The following KANSL1 variants were observed in gnomAD, a reference collection of about 807,000 sequenced individuals.
KANSL1 encodes MLL1/MLL complex subunit KANSL1.
KANSL1 carries 22 observed loss-of-function variants against 103.6 expected under a neutral mutation model. The observed-to-expected ratio is 0.21, with a 90% CI of 0.15 to 0.30. The LOEUF (loss-of-function observed/expected upper bound fraction) is 0.30. KANSL1 is among the 10% of genes least tolerant of loss of function. The pLI, the probability that KANSL1 is intolerant of heterozygous loss-of-function variation, is 1.00. For missense variants in KANSL1, 1,337 were observed against 1,399.8 expected, an observed-to-expected ratio of 0.96 and a Z score of 0.72; for synonymous variants, 600 against 527.6, an observed-to-expected ratio of 1.14 and a Z score of -1.88.
chr17:46,056,149 C>T (rs1379793569), intron 6 of KANSL1, among the ~76,000 whole-genome samples: 1 of 152,144 alleles, frequency 6.6e-6, no homozygotes, highest in Non-Finnish European at 1.5e-5. Context: ...AGGCACCCAC[C>T]ACCAAGCCTG....
intron 7 of KANSL1, chr17:46,045,455 CCA>C (rs1365259525): frequency 8.2e-6 from 1 of 121,896 alleles, no homozygotes; most frequent in African/African-American, 2.6e-5. Flanking sequence ...ATATATATCT[CCA>C]CAGTCTCATA....
rs1219487026 is a variant in KANSL1, at chr17:46,094,550, T to C, written c.1431+10A>G. 1.2e-6 allele frequency: 2 copies of C among 1,607,982 alleles called. No individual in the cohort carries two copies. Among genetic ancestry groups the C allele is most frequent in the Non-Finnish European group, 1.7e-6 (2 of 1,178,560 alleles). On this transcript the variant is annotated intron_variant, in intron 3 of 14. Coordinates refer to ENST00000432791, the MANE Select transcript of KANSL1 (RefSeq NM_015443.4). ...GCAGCATTTAAAAACATCAGATACT[T>C]ATCCCTTACCTTATTAGCACGTATC...
At chr17:46,214,087 A>T (rs1173293650) in intron 1 of KANSL1, among the ~76,000 whole-genome samples, 1 of 152,254 alleles carries the variant, frequency 6.6e-6, no homozygotes, top group Non-Finnish European at 1.5e-5. Flanking sequence ...CTGGGTGGTC[A>T]GCAAACTAGT....
Position 46,203,297 on chromosome 17 carries a change from T to C in KANSL1, c.-90+20374A>G, listed in dbSNP as rs541675348. 2.6e-5 allele frequency among the ~76,000 whole-genome samples: 4 copies of C among 152,338 alleles called. No homozygotes were observed. The East Asian group carries it at 7.7e-4, about 29-fold the overall frequency. On this transcript the variant is annotated intron_variant, in intron 1 of 14. Coordinates refer to the KANSL1 transcript ENST00000572904. ...GGTAGGAAAAAACAACTACTCACAC[T>C]TCCCAGAATACCTACCGTGGCAATA...
intron 2 of KANSL1, among the ~76,000 whole-genome samples, chr17:46,136,482 T>TA (rs1392791257): frequency 6.6e-6 from 1 of 152,090 alleles, no homozygotes; most frequent in Non-Finnish European, 1.5e-5. Flanking sequence ...TGCTAAGGAG[T>TA]AAAATGATCC....
intron 6 of KANSL1, among the ~76,000 whole-genome samples, chr17:46,064,422 G>A (rs1169332476): frequency 1.3e-5 from 2 of 152,048 alleles, no homozygotes; most frequent in Non-Finnish European, 2.9e-5. Context: ...AACATTCTTT[G>A]AAAATGTTAT....
At chr17:46,104,550 A>AT (rs2042449800) in intron 2 of KANSL1, among the ~76,000 whole-genome samples, 1 of 152,224 alleles carries the variant, frequency 6.6e-6, no homozygotes, top group African/African-American at 2.4e-5. Context: ...CTGTAAGACA[A>AT]TTTTTAATGA....
chr17:46,178,547 G>A (rs980014544), intron 1 of KANSL1, among the ~76,000 whole-genome samples: 5 of 152,212 alleles, frequency 3.3e-5, no homozygotes, highest in African/African-American at 9.7e-5. Context: ...CACACAAATT[G>A]AGATTCTGCA....
intron 6 of KANSL1, 43 bp downstream of exon 6, chr17:46,066,494 C>G: frequency 6.6e-7 from 1 of 1,511,452 alleles, no homozygotes; most frequent in Non-Finnish European, 9.0e-7. Context: ...ATCTGAGCAT[C>G]TGGCTCACTG....
chr17:46,124,940 G>A (rs2043448732), intron 2 of KANSL1, among the ~76,000 whole-genome samples: 1 of 150,578 alleles, frequency 6.6e-6, no homozygotes, highest in Non-Finnish European at 1.5e-5. Context: ...TGCAGATGAG[G>A]AAGAAACAGC....
intron 2 of KANSL1, among the ~76,000 whole-genome samples, chr17:46,097,258 A>T (rs2042126481): frequency 6.6e-6 from 1 of 152,268 alleles, no homozygotes; most frequent in South Asian, 2.1e-4. Flanking sequence ...TGAATGAAAC[A>T]ACTACAAAAA....
intron 2 of KANSL1, among the ~76,000 whole-genome samples, chr17:46,147,126 G>C (rs1417960537): frequency 6.6e-6 from 1 of 152,168 alleles, no homozygotes; most frequent in Admixed American, 6.5e-5. Context: ...TTTCAAATCA[G>C]AATGACCTTG....
chr17:46,050,842 C>CTA, intron 6 of KANSL1, 138 bp from the exon 7 acceptor site: 1 of 633,850 alleles, frequency 1.6e-6, no homozygotes. Flanking sequence ...TTGTGTGACA[C>CTA]TACTAAAAGG....
At chr17:46,126,513 A>C (rs1367834063) in intron 2 of KANSL1, among the ~76,000 whole-genome samples, 1 of 152,200 alleles carries the variant, frequency 6.6e-6, no homozygotes, top group East Asian at 1.9e-4. Context: ...CAAACATGTA[A>C]GGCATATTGG....
intron 2 of KANSL1, among the ~76,000 whole-genome samples, chr17:46,118,398 C>T (rs529395560): frequency 6.6e-6 from 1 of 152,344 alleles, no homozygotes; most frequent in East Asian, 1.9e-4. Flanking sequence ...TCAAAATCAT[C>T]CCTAATCTGA....
intron 1 of KANSL1, among the ~76,000 whole-genome samples, chr17:46,188,369 A>C (rs1355517694): frequency 6.6e-6 from 1 of 152,256 alleles, no homozygotes; most frequent in Non-Finnish European, 1.5e-5. Flanking sequence ...TGTTCTGCAC[A>C]ACTTTTAGTA....
intron 1 of KANSL1, among the ~76,000 whole-genome samples, chr17:46,214,709 T>C (rs1597984714): frequency 6.7e-6 from 1 of 150,348 alleles, no homozygotes. Context: ...CAAGAGCAAG[T>C]CCTCACTCTC....
chr17:46,204,996 T>C (rs1356893746), intron 1 of KANSL1, among the ~76,000 whole-genome samples: 1 of 152,142 alleles, frequency 6.6e-6, no homozygotes, highest in Non-Finnish European at 1.5e-5. Flanking sequence ...AAAAACCCCA[T>C]AGCTAAAATC....
chr17:46,157,465 CA>C (rs1325153360), intron 2 of KANSL1, among the ~76,000 whole-genome samples: 1 of 152,228 alleles, frequency 6.6e-6, no homozygotes, highest in Non-Finnish European at 1.5e-5. Context: ...ATGACAACCT[CA>C]GCACCTAATA....
Sources: allele counts gnomAD v4.1 joint callset (sites outside exome capture counted in the v4.1 genomes callset), GRCh38; gene constraint gnomAD v4.1.1; transcripts MANE v1.5; gene names NCBI Gene and HGNC (gene_info 2026-07-23, HGNC 2026-07-21).